Variants in ZMAT2 observed in about 807,000 individuals in gnomAD.
ZMAT2 encodes zinc finger matrin-type 2.
Under a neutral mutation model 27.5 loss-of-function variants are expected in ZMAT2, and 5 were observed. That is an observed-to-expected ratio of 0.18 (90% CI 0.10 to 0.38). The LOEUF is 0.38. Among genes scored for constraint, ZMAT2 ranks in the 10% least tolerant of loss-of-function variants. The probability of loss-of-function intolerance (pLI) is 1.00; values close to 1 mark genes in which losing one functional copy is unlikely to be tolerated. For missense variants in ZMAT2, 124 were observed against 243.9 expected (o/e 0.51, Z 3.27); for synonymous variants, 76 against 78.6 (o/e 0.97, Z 0.17).
At chr5:140,700,531 G>C (rs181924560) in intron 1 of ZMAT2, 53 bp downstream of exon 1, 40 of 1,611,644 alleles carry the variant, frequency 2.5e-5, no homozygotes, top group Non-Finnish European at 2.9e-5. Flanking sequence ...TGGTTTTTCA[G>C]ACCTGAATAG....
rs1025566835 is a variant in ZMAT2, at chr5:140,700,447, A to G, written c.-14A>G. The G allele has an allele frequency of 1.9e-6, 3 of 1,612,776 alleles. No individual in the cohort carries two copies. The highest frequency in any genetic ancestry group is 1.9e-4 in the Middle Eastern group (1 of 5,190). On this transcript the variant is annotated 5_prime_UTR_variant, in exon 1 of 6. Transcript: ENST00000274712. Reference sequence around the variant, plus strand: ...TACGGCGTTTTTCAGCTCGCCATTCACTTCGCTGTGAAGATGGCGTCGGGC... The same window carrying G: ...TACGGCGTTTTTCAGCTCGCCATTCGCTTCGCTGTGAAGATGGCGTCGGGC...
intron 1 of ZMAT2, 75 bp from the exon 2 acceptor site, chr5:140,700,744 C>A: frequency 6.5e-7 from 1 of 1,531,294 alleles, no homozygotes; most frequent in South Asian, 1.1e-5. Context: ...ACACCTGGAC[C>A]GCGAGGGCGC....
Position 140,704,312 on chromosome 5 carries a change from C to T in ZMAT2, c.311-114C>T, listed in dbSNP as rs115398382. On this transcript the variant is annotated intron_variant, in intron 4 of 5. Transcript: ENST00000274712. ...GCTGGCCAAGGGAGTTTCTTTTAGC[C>T]ATAATTATTTTTGCTGTGTGTTTTA... 10 of 1,411,236 alleles carry T rather than the reference C, an allele frequency of 7.1e-6. No homozygotes were observed. The African/African-American group carries it at 1.1e-4, about 16-fold the overall frequency. 87.4% of individuals were successfully genotyped at this position (1,411,236 alleles called of 1,614,324 possible).
intron 3 of ZMAT2, among the ~76,000 whole-genome samples, chr5:140,702,995 TAGC>T (rs1485579940): frequency 4.6e-5 from 7 of 152,310 alleles, no homozygotes; most frequent in South Asian, 2.1e-4. Context: ...ACCTAAAGCT[TAGC>T]AGCATAAACT....
At chr5:140,705,499 G>A in intron 5 of ZMAT2, 114 bp from the exon 6 acceptor site, 2 of 1,263,706 alleles carry the variant, frequency 1.6e-6, no homozygotes, top group Non-Finnish European at 2.2e-6. Context: ...TAATATACAT[G>A]AAGTACTCAG....
At position 140,704,723 on chromosome 5, in the gene ZMAT2, T is replaced by C. The variant is rs1407806536; in HGVS notation, c.456+152T>C. 2.8e-5 allele frequency: 20 copies of C among 715,114 alleles called. No individual in the cohort carries two copies. The Admixed American group carries it at 4.0e-4, about 14-fold the overall frequency. The allele number at this position is 715,114 out of a possible 1,614,324, so 44.3% of individuals were successfully genotyped here. A position where few individuals can be genotyped will look rare whatever the true frequency, so the allele number is the denominator to read the frequency against. Reference sequence around the variant, plus strand: ...AGCGGAAACATTTGTTGCCTTTGTTTAGGATTCTCATGATCTGAAGGAAAT... The same window carrying C: ...AGCGGAAACATTTGTTGCCTTTGTTCAGGATTCTCATGATCTGAAGGAAAT... On this transcript the variant is annotated intron_variant, in intron 5 of 5. Transcript: ENST00000274712.
At chr5:140,703,773 T>C in intron 3 of ZMAT2, 145 bp from the exon 4 acceptor site, 1 of 708,560 alleles carries the variant, frequency 1.4e-6, no homozygotes, top group South Asian at 1.8e-5. Flanking sequence ...AGATGACTGC[T>C]ATACTCTCTC....
rs1759936895 is a variant in ZMAT2, at chr5:140,700,478, G to A, written c.18G>A (p.Gly6=). MASGS[G]TKNLDFRRKW... ...CTGTGAAGATGGCGTCGGGCAGCGG[G>A]GTAGGTGTTGTGTCTGAGGAGGAGG... The change falls in exon 1 of 6, where the codon GGG becomes GGA. Residue 6 remains glycine (G), a splice_region_variant and synonymous_variant. Coordinates refer to ENST00000274712, the MANE Select transcript of ZMAT2 (RefSeq NM_144723.3). 2 of 1,613,076 alleles carry A rather than the reference G, an allele frequency of 1.2e-6. No homozygotes were observed. The highest frequency in any genetic ancestry group is 1.7e-6 in the Non-Finnish European group (2 of 1,179,960).
chr5:140,703,713 A>G (rs530530913), intron 3 of ZMAT2, among the ~76,000 whole-genome samples: 6 of 152,234 alleles, frequency 3.9e-5, no homozygotes, highest in Non-Finnish European at 8.8e-5. Flanking sequence ...AAGAGACTAC[A>G]CAGAGTAGGA....
At chr5:140,702,427 G>C (rs1053685670) in intron 3 of ZMAT2, among the ~76,000 whole-genome samples, 2 of 152,028 alleles carry the variant, frequency 1.3e-5, no homozygotes, top group Non-Finnish European at 2.9e-5. Context: ...CTTGAGCCCA[G>C]GAATTCAAGA....
At position 140,704,817 on chromosome 5, in the gene ZMAT2, AT is replaced by A. The variant is rs1421687445; in HGVS notation, c.456+260del. On this transcript the variant is annotated intron_variant, in intron 5 of 5. Transcript: ENST00000274712. Reference sequence around the variant, plus strand: ...TTTTTTTTTTGTAATTTAAAAAAAAATTTTTTTTTTTTTTGGTCATACAGAT... The same window carrying A: ...TTTTTTTTTTGTAATTTAAAAAAAAATTTTTTTTTTTTTGGTCATACAGAT... Among the ~76,000 whole-genome samples, 89 of 145,648 alleles carry A rather than the reference AT, an allele frequency of 6.1e-4. 1 individual carries two copies. Among genetic ancestry groups the A allele is most frequent in the Admixed American group, 1.2e-3 (17 of 14,594 alleles).
rs755279364 is a variant in ZMAT2 at position 140,705,633 on chromosome 5, C to T, written c.477C>T (p.Tyr159=). The change falls in exon 6 of 6, where the codon TAC becomes TAT. Residue 159 remains tyrosine, a synonymous_variant. Coordinates refer to ENST00000274712, the MANE Select transcript of ZMAT2 (RefSeq NM_144723.3). ...LREEEEKAKA[Y]KKEKQKEKKR... ...TCCAGGAGGAAAAGGCCAAAGCGTA[C>T]AAGAAAGAGAAACAGAAGGAGAAGA... 1.2e-6 allele frequency: 2 copies of T among 1,613,556 alleles called. No individual in the cohort carries two copies. The highest frequency in any genetic ancestry group is 1.7e-6 in the Non-Finnish European group (2 of 1,179,750).
intron 5 of ZMAT2, among the ~76,000 whole-genome samples, chr5:140,704,968 A>C (rs1459510945): frequency 6.6e-6 from 1 of 152,172 alleles, no homozygotes. Context: ...TAATGTGCTC[A>C]GAACACATTA....
At chr5:140,700,694 G>C in intron 1 of ZMAT2, 125 bp from the exon 2 acceptor site, 2 of 1,299,644 alleles carry the variant, frequency 1.5e-6, no homozygotes, top group Non-Finnish European at 2.1e-6. Context: ...CAGTCTTCTC[G>C]TACAGTCCAA....
At chr5:140,703,868 A>G (rs1035127036) in intron 3 of ZMAT2, 50 bp from the exon 4 acceptor site, 14 of 1,563,348 alleles carry the variant, frequency 9.0e-6, no homozygotes, top group Non-Finnish European at 1.2e-5. Context: ...GTTGAAAATG[A>G]TAAGATCCTT....
chr5:140,703,514 G>A (rs1015196665), intron 3 of ZMAT2, among the ~76,000 whole-genome samples: 6 of 152,154 alleles, frequency 3.9e-5, no homozygotes, highest in Non-Finnish European at 8.8e-5. Flanking sequence ...GATTACAGGC[G>A]TGAGCCACCA....
At position 140,705,978 on chromosome 5, in the gene ZMAT2, G is replaced by T. The variant is rs1277348967; in HGVS notation, c.*222G>T. On this transcript the variant is annotated 3_prime_UTR_variant, in exon 6 of 6. Coordinates refer to ENST00000274712, the MANE Select transcript of ZMAT2 (RefSeq NM_144723.3). ...ATTGCTTCTGCCTCAGTGTATCACT[G>T]GAGTCACAGGACCCTGCCCACCTGA... is the stretch of plus-strand genomic sequence containing the variant. 1 of 509,852 alleles carries T rather than the reference G, an allele frequency of 2.0e-6. No individual in the cohort carries two copies. The highest frequency in any genetic ancestry group is 3.3e-6 in the Non-Finnish European group (1 of 307,006). 31.6% of individuals were successfully genotyped at this position (509,852 alleles called of 1,614,324 possible). A position where few individuals can be genotyped will look rare whatever the true frequency, so the allele number is the denominator to read the frequency against.
At chr5:140,703,793 G>A in intron 3 of ZMAT2, 125 bp from the exon 4 acceptor site, 1 of 852,260 alleles carries the variant, frequency 1.2e-6, no homozygotes, top group South Asian at 1.5e-5. Context: ...CGAAAGCTAA[G>A]GCTTTATAGA....
chr5:140,700,669 G>A, intron 1 of ZMAT2, 150 bp from the exon 2 acceptor site: 1 of 1,279,402 alleles, frequency 7.8e-7, no homozygotes, highest in Non-Finnish European at 1.1e-6. Flanking sequence ...TCGGGTTGGG[G>A]TCTTGAGGCT....
Sources: gnomAD v4.1 joint callset for allele counts (sites outside exome capture counted in the v4.1 genomes callset) on GRCh38, gnomAD v4.1.1 for gene constraint, MANE v1.5 for transcripts, NCBI Gene and HGNC (gene_info 2026-07-23, HGNC 2026-07-21) for gene names.